The following UBE2E1 variants were observed in gnomAD, a reference collection of about 807,000 sequenced individuals.
UBE2E1 encodes ubiquitin-conjugating enzyme E2 E1.
UBE2E1 carries 6 observed loss-of-function variants against 21.4 expected under a neutral mutation model. That is an observed-to-expected ratio of 0.28 (90% CI 0.15 to 0.55). The LOEUF is 0.55. Among genes scored for constraint, UBE2E1 ranks in the 20% least tolerant of loss-of-function variants. The probability of loss-of-function intolerance (pLI) is 0.93; values close to 1 mark genes in which losing one functional copy is unlikely to be tolerated. For missense variants in UBE2E1, 142 were observed against 236.5 expected (o/e 0.60, Z 2.62); for synonymous variants, 87 against 82.7 (o/e 1.05, Z -0.28).
chr3:23,891,140 T>G lies in UBE2E1; in HGVS notation c.*534T>G, dbSNP rs2125337841. 1 of 152,760 alleles carries G rather than the reference T, an allele frequency of 6.5e-6. No individual in the cohort carries two copies. The highest frequency in any genetic ancestry group is 2.4e-5 in the African/African-American group (1 of 41,560). 9.5% of individuals were successfully genotyped at this position (152,760 alleles called of 1,614,324 possible). A position where few individuals can be genotyped will look rare whatever the true frequency, so the allele number is the denominator to read the frequency against. On this transcript the variant is annotated 3_prime_UTR_variant, in exon 6 of 6. Coordinates refer to ENST00000306627, the MANE Select transcript of UBE2E1 (RefSeq NM_003341.5). ...TTATTTTATATGCCAATCTACTTTG[T>G]TTAAAAAAGGTCTGAATCAGGACTT...
At chr3:23,879,976 T>C (rs1265518649) in intron 3 of UBE2E1, among the ~76,000 whole-genome samples, 1 of 152,246 alleles carries the variant, frequency 6.6e-6, no homozygotes, top group African/African-American at 2.4e-5. Context: ...CCAGGCACAG[T>C]GGCTCACGCC....
chr3:23,889,376 T>TA lies in UBE2E1; in HGVS notation c.484+119dup, dbSNP rs1559497144. 9 of 1,535,622 alleles carry TA rather than the reference T, an allele frequency of 5.9e-6. No individual in the cohort carries two copies. In the South Asian group the frequency reaches 1.1e-4, roughly 19 times the overall value. ...TGCACAAGTTTGTGAATACAAAAAC[T>TA]AATCGGCTTTTCAAAAGAAAGTTTT... is the stretch of plus-strand genomic sequence containing the variant. On this transcript the variant is annotated intron_variant, in intron 5 of 5. Coordinates refer to ENST00000306627, the MANE Select transcript of UBE2E1 (RefSeq NM_003341.5).
chr3:23,860,157 C>G (rs1228442818), intron 3 of UBE2E1, among the ~76,000 whole-genome samples: 1 of 152,218 alleles, frequency 6.6e-6, no homozygotes, highest in Non-Finnish European at 1.5e-5. Context: ...CCAGCTTGCT[C>G]TCACAGCTGT....
Position 23,842,201 on chromosome 3 carries a change from GTGTGTGTGTGTGTGTGT to G in UBE2E1, c.203+30692_203+30708del, listed in dbSNP as rs1700101796. On this transcript the variant is annotated intron_variant, in intron 3 of 5. Coordinates refer to ENST00000306627, the MANE Select transcript of UBE2E1 (RefSeq NM_003341.5). This position sits in a 1 kb window ranked among gnomAD's most constrained non-coding sequence, Gnocchi z 4.6. Reference sequence around the variant, plus strand: ...GTCATGACCCAGTAAGTGAAGGGGTGTGTGTGTGTGTGTGTGTGTGTGTGTGTGTGTGTGTGTGTGTG... The same window carrying G: ...GTCATGACCCAGTAAGTGAAGGGGTGGTGTGTGTGTGTGTGTGTGTGTGTG... Among the ~76,000 whole-genome samples, 8 of 93,998 alleles carry G rather than the reference GTGTGTGTGTGTGTGTGT, an allele frequency of 8.5e-5. No individual in the cohort carries two copies. Among genetic ancestry groups the G allele is most frequent in the African/African-American group, 3.1e-4 (7 of 22,458 alleles). 61.7% of individuals were successfully genotyped at this position (93,998 alleles called of 152,430 possible). A position where few individuals can be genotyped will look rare whatever the true frequency, so the allele number is the denominator to read the frequency against.
chr3:23,832,753 G>A (rs1404734117), intron 3 of UBE2E1, among the ~76,000 whole-genome samples: 1 of 152,058 alleles, frequency 6.6e-6, no homozygotes, highest in Admixed American at 6.6e-5. Flanking sequence ...AAAAATACAG[G>A]GATGTGGTGA....
chr3:23,862,105 G>A (rs1286548290), intron 3 of UBE2E1, among the ~76,000 whole-genome samples: 1 of 152,212 alleles, frequency 6.6e-6, no homozygotes, highest in Non-Finnish European at 1.5e-5. Flanking sequence ...CTCCCCTAGA[G>A]GTTTGAGCAG....
rs547448417 is a variant in UBE2E1 at position 23,871,548 on chromosome 3, C to T, written c.204-16019C>T. On this transcript the variant is annotated intron_variant, in intron 3 of 5. Transcript: ENST00000306627. ...CCTCCCTCTCGGACGGGGTGGCTGC[C>T]GGGCGGAGACGCTCCTCACTTCCCA... Among the ~76,000 whole-genome samples, 15 of 151,164 alleles carry T rather than the reference C, an allele frequency of 9.9e-5. 1 individual carries two copies. In the East Asian group the frequency reaches 1.2e-3, roughly 12 times the overall value.
rs573928005 is a variant in UBE2E1, at chr3:23,863,968, A to T, written c.204-23599A>T. Among the ~76,000 whole-genome samples, 1 of 152,146 alleles carries T rather than the reference A, an allele frequency of 6.6e-6. No homozygotes were observed. Among genetic ancestry groups the T allele is most frequent in the Non-Finnish European group, 1.5e-5 (1 of 68,032 alleles). On this transcript the variant is annotated intron_variant, in intron 3 of 5. Coordinates refer to ENST00000306627, the MANE Select transcript of UBE2E1 (RefSeq NM_003341.5). The surrounding 1 kb of genome is among the most constrained non-coding windows in gnomAD (Gnocchi z 4.3). ...TGTCTTTTGGGGAATTCTCTTTACT[A>T]TTCTACATAGAAGTTTTGTTTCCTT...
chr3:23,847,488 ATTTT>A (rs71057627), intron 3 of UBE2E1, among the ~76,000 whole-genome samples: 2 of 96,132 alleles, frequency 2.1e-5, no homozygotes, highest in African/African-American at 4.1e-5. Flanking sequence ...TGTACTTTAA[ATTTT>A]TTTTTTTTTT....
chr3:23,852,542 C>T (rs1700348864), intron 3 of UBE2E1, among the ~76,000 whole-genome samples: 1 of 152,202 alleles, frequency 6.6e-6, no homozygotes, highest in African/African-American at 2.4e-5. Flanking sequence ...AAGATCATGT[C>T]ATCTGCAAAT....
intron 3 of UBE2E1, among the ~76,000 whole-genome samples, chr3:23,857,880 C>T (rs1575020503): frequency 6.6e-6 from 1 of 152,152 alleles, no homozygotes; most frequent in South Asian, 2.1e-4. Flanking sequence ...GACAGAGTCT[C>T]GCTCCGTTGC....
chr3:23,833,541 G>A (rs1402707728), intron 3 of UBE2E1, among the ~76,000 whole-genome samples: 2 of 152,236 alleles, frequency 1.3e-5, no homozygotes, highest in Non-Finnish European at 1.5e-5. Flanking sequence ...TGTCATAGCA[G>A]TAGTTAAACA....
chr3:23,808,379 T>A lies in UBE2E1; in HGVS notation c.152+958T>A, dbSNP rs563960617. 3.9e-5 allele frequency among the ~76,000 whole-genome samples: 6 copies of A among 152,270 alleles called. No individual in the cohort carries two copies. In the East Asian group the frequency reaches 1.2e-3, roughly 29 times the overall value. ...GACACCCTTTCATAAATCCTTCTGC[T>A]CTCAGAGTTAGGCAGTTGTTAAAAA... On this transcript the variant is annotated intron_variant, in intron 2 of 5. Coordinates refer to ENST00000306627, the MANE Select transcript of UBE2E1 (RefSeq NM_003341.5). This position sits in a 1 kb window ranked among gnomAD's most constrained non-coding sequence, Gnocchi z 4.9.
At chr3:23,889,512 T>G (rs1701295034) in intron 5 of UBE2E1, 1 of 1,390,072 alleles carries the variant, frequency 7.2e-7, no homozygotes, top group African/African-American at 1.5e-5. Context: ...GCTTTTAGTT[T>G]CAATTATTCT....
In UBE2E1 at chr3:23,883,904, CAAAAAA is replaced by C. The variant is rs35520751; in HGVS notation, c.204-3649_204-3644del. ...GCACTCCAACCTGGGTGACAGATCT[CAAAAAA>C]AAAAAAAAAAAAAGTTTGATATTCA... On this transcript the variant is annotated intron_variant, in intron 3 of 5. Transcript: ENST00000306627. Among the ~76,000 whole-genome samples the C allele has an allele frequency of 4.6e-4, 40 of 87,244 alleles. No homozygotes were observed. In the East Asian group the frequency reaches 0.015, roughly 32 times the overall value. 57.2% of individuals were successfully genotyped at this position (87,244 alleles called of 152,430 possible).
At chr3:23,882,518 G>A (rs904239403) in intron 3 of UBE2E1, among the ~76,000 whole-genome samples, 21 of 152,224 alleles carry the variant, frequency 1.4e-4, no homozygotes, top group South Asian at 4.1e-4. Flanking sequence ...CGCCAGTCCC[G>A]CACTGTGCGC....
intron 3 of UBE2E1, among the ~76,000 whole-genome samples, chr3:23,884,096 C>A (rs1435812925): frequency 2.0e-5 from 3 of 152,030 alleles, no homozygotes. Flanking sequence ...TTATATTGCA[C>A]CTTTATTCTC....
In UBE2E1 at chr3:23,880,655, G is replaced by C. The variant is rs186288573; in HGVS notation, c.204-6912G>C. On this transcript the variant is annotated intron_variant, in intron 3 of 5. Coordinates refer to ENST00000306627, the MANE Select transcript of UBE2E1 (RefSeq NM_003341.5). ...AAATTGAAATGCAGATTTGGTTTCT[G>C]ACCATTGAAATGGAAGAGCAGCAGA... Among the ~76,000 whole-genome samples, 201 of 152,322 alleles carry C rather than the reference G, an allele frequency of 1.3e-3. 2 individuals carry two copies. Among genetic ancestry groups the C allele is most frequent in the African/African-American group, 3.8e-3 (159 of 41,578 alleles).
intron 3 of UBE2E1, among the ~76,000 whole-genome samples, chr3:23,864,972 A>G (rs11710679): frequency 0.18 from 26,838 of 152,224 alleles, 2,435 homozygotes; most frequent in Non-Finnish European, 0.2. Context: ...CTCTGTTTCA[A>G]CTTCTTCTGA....
Sources: gnomAD v4.1 joint callset for allele counts (sites outside exome capture counted in the v4.1 genomes callset) on GRCh38, gnomAD v4.1.1 for gene constraint, Gnocchi (gnomAD v3.1) non-coding constraint, MANE v1.5 for transcripts, NCBI Gene and HGNC (gene_info 2026-07-23, HGNC 2026-07-21) for gene names.